Variants in SETBP1 observed in about 807,000 individuals in gnomAD.
SETBP1 encodes SET binding protein 1.
Under a neutral mutation model 101.0 loss-of-function variants are expected in SETBP1, and 9 were observed. That is an observed-to-expected ratio of 0.09 (90% confidence interval 0.05 to 0.16). The LOEUF is 0.16. Among genes scored for constraint, SETBP1 ranks in the 10% least tolerant of loss-of-function variants. SETBP1 has a pLI of 1.00. For missense variants in SETBP1, 1,858 were observed against 2,033.8 expected, an observed-to-expected ratio of 0.91 and a Z score of 1.66; for synonymous variants, 818 against 788.5, an observed-to-expected ratio of 1.04 and a Z score of -0.63.
At chr18:45,037,536 A>T (rs1308579551) in intron 4 of SETBP1, among the ~76,000 whole-genome samples, 1 of 152,148 alleles carries the variant, frequency 6.6e-6, no homozygotes, top group Non-Finnish European at 1.5e-5. Flanking sequence ...TAGTATCATC[A>T]CCACCCCATT....
chr18:45,038,800 C>T (rs2073452475), intron 5 of SETBP1, 145 bp downstream of exon 5: 2 of 803,452 alleles, frequency 2.5e-6, no homozygotes, highest in Admixed American at 2.2e-5. Context: ...CGTTTCAGCA[C>T]TGGCTCTTTG....
chr18:45,028,458 C>T (rs189478550), intron 4 of SETBP1, among the ~76,000 whole-genome samples: 6,243 of 152,038 alleles, frequency 0.041, 166 homozygotes, highest in Non-Finnish European at 0.058. Context: ...GTGAATAGTG[C>T]CGCAATAAAC....
chr18:44,766,103 T>A (rs1202891242), intron 2 of SETBP1, among the ~76,000 whole-genome samples: 4 of 152,226 alleles, frequency 2.6e-5, no homozygotes, highest in African/African-American at 4.8e-5. Flanking sequence ...CTGGGGTGTG[T>A]GTGTGTGGAA....
intron 2 of SETBP1, among the ~76,000 whole-genome samples, chr18:44,866,778 G>C (rs1251356130): frequency 6.6e-6 from 1 of 152,184 alleles, no homozygotes; most frequent in Non-Finnish European, 1.5e-5. Context: ...CTTATGCCCA[G>C]CTCAAGCTAG....
chr18:45,052,385 G>A (rs1386533918), intron 5 of SETBP1, among the ~76,000 whole-genome samples: 4 of 152,174 alleles, frequency 2.6e-5, no homozygotes, highest in African/African-American at 9.7e-5. Flanking sequence ...AAGATATGAA[G>A]TGTTCATAAA....
At chr18:45,001,952 G>T (rs2072626204) in intron 4 of SETBP1, among the ~76,000 whole-genome samples, 2 of 152,110 alleles carry the variant, frequency 1.3e-5, no homozygotes, top group African/African-American at 4.8e-5. Flanking sequence ...TGAATCTCCA[G>T]ATCTCATGCA....
intron 3 of SETBP1, among the ~76,000 whole-genome samples, chr18:44,878,241 G>C (rs186156804): frequency 6.6e-6 from 1 of 152,300 alleles, no homozygotes; most frequent in East Asian, 1.9e-4. Flanking sequence ...CGAGGGAGTA[G>C]GAGTAGATGA....
chr18:44,944,550 C>T (rs2071159056), intron 3 of SETBP1, among the ~76,000 whole-genome samples: 1 of 152,140 alleles, frequency 6.6e-6, no homozygotes, highest in South Asian at 2.1e-4. Flanking sequence ...GTAACTAGCA[C>T]CTTCAGTGAT....
chr18:45,043,302 C>G (rs1239366579), intron 5 of SETBP1, among the ~76,000 whole-genome samples: 1 of 151,984 alleles, frequency 6.6e-6, no homozygotes. Context: ...TATGGTTTTG[C>G]ACTTGAAAGA....
intron 2 of SETBP1, among the ~76,000 whole-genome samples, chr18:44,753,342 G>A (rs1599076465): frequency 6.6e-6 from 1 of 152,218 alleles, no homozygotes; most frequent in Non-Finnish European, 1.5e-5. Flanking sequence ...AGGCTGGCAT[G>A]AGAATACTCC....
chr18:45,064,006 C>T lies in SETBP1; in HGVS notation c.*308C>T. On this transcript the variant is annotated 3_prime_UTR_variant, in exon 6 of 6. Coordinates refer to ENST00000649279, the MANE Select transcript of SETBP1 (RefSeq NM_015559.3). ...CCAGGAGGAGCAGGCTGGTGGCACT[C>T]TCCTGACCTCACGCTGCCAAGGTGC... is the stretch of plus-strand genomic sequence containing the variant. 3.5e-6 allele frequency: 1 copy of T among 285,500 alleles called. No homozygotes were observed. Among genetic ancestry groups the T allele is most frequent in the Non-Finnish European group, 6.6e-6 (1 of 151,116 alleles). The allele number at this position is 285,500 out of a possible 1,614,324, so 17.7% of individuals were successfully genotyped here.
In SETBP1 at chr18:45,038,639, A is replaced by C. The variant is rs745718445; in HGVS notation, c.4155A>C (p.Ala1385=). ...APVLSLLAAS[A]ATSDAVGSSL... is the part of the protein sequence containing the mutation. The stretch of plus-strand genomic sequence containing the variant: ...TGTTATCTCTCCTTGCTGCATCTGC[A>C]GCAACGTCGGATGCAGGTGAGCACT... The change falls in exon 5 of 6, where the codon GCA becomes GCC. Residue 1385 remains alanine, a synonymous_variant. Coordinates refer to ENST00000649279, the MANE Select transcript of SETBP1 (RefSeq NM_015559.3). 3.0e-5 allele frequency: 48 copies of C among 1,614,038 alleles called. No individual in the cohort carries two copies. Among genetic ancestry groups the C allele is most frequent in the Non-Finnish European group, 3.9e-5 (46 of 1,180,012 alleles).
intron 4 of SETBP1, among the ~76,000 whole-genome samples, chr18:45,034,435 C>T (rs961324148): frequency 6.6e-6 from 1 of 151,960 alleles, no homozygotes; most frequent in African/African-American, 2.4e-5. Context: ...ACACGGTGTG[C>T]AGGTAGAGGT....
At chr18:44,895,760 G>A (rs2069886786) in intron 3 of SETBP1, among the ~76,000 whole-genome samples, 1 of 152,088 alleles carries the variant, frequency 6.6e-6, no homozygotes, top group Non-Finnish European at 1.5e-5. Context: ...GTTGGGTTTA[G>A]CATGCAATTT....
chr18:44,992,017 C>T (rs1036256351), intron 4 of SETBP1, among the ~76,000 whole-genome samples: 3 of 152,060 alleles, frequency 2.0e-5, no homozygotes, highest in African/African-American at 7.2e-5. Context: ...TTAGAAAACA[C>T]TTATATTTAA....
At chr18:44,758,295 T>C (rs1431383501) in intron 2 of SETBP1, among the ~76,000 whole-genome samples, 4 of 152,234 alleles carry the variant, frequency 2.6e-5, no homozygotes, top group South Asian at 2.1e-4. Flanking sequence ...TCTTTACTAA[T>C]TGGCACTTTC....
chr18:44,779,707 C>G (rs745856560), intron 2 of SETBP1, among the ~76,000 whole-genome samples: 1 of 152,112 alleles, frequency 6.6e-6, no homozygotes, highest in Non-Finnish European at 1.5e-5. Flanking sequence ...AACTCTGACA[C>G]GCTTGGAGTC....
intron 4 of SETBP1, among the ~76,000 whole-genome samples, chr18:44,970,644 T>C (rs1001287314): frequency 6.6e-6 from 1 of 152,032 alleles, no homozygotes; most frequent in African/African-American, 2.4e-5. Flanking sequence ...CTCCACTTCC[T>C]GGGTTCAAAC....
chr18:44,998,631 A>C (rs1156734999), intron 4 of SETBP1, among the ~76,000 whole-genome samples: 1 of 152,216 alleles, frequency 6.6e-6, no homozygotes, highest in Non-Finnish European at 1.5e-5. Flanking sequence ...ATGCAGTAGA[A>C]ATATGCTCAC....
Sources: allele counts gnomAD v4.1 joint callset (sites outside exome capture counted in the v4.1 genomes callset), GRCh38; gene constraint gnomAD v4.1.1; transcripts MANE v1.5; gene names NCBI Gene and HGNC (gene_info 2026-07-23, HGNC 2026-07-21).